ACTG2: variants seen among roughly 807,000 people sequenced by gnomAD.
The protein encoded by ACTG2 is actin gamma 2, smooth muscle.
In ACTG2, 16 loss-of-function variants were observed where a neutral mutation model predicts 37.6. That is an observed-to-expected ratio of 0.43 (90% CI 0.29 to 0.65). ACTG2 has a LOEUF of 0.65. ACTG2 is among the 30% of genes least tolerant of loss of function. The probability of loss-of-function intolerance (pLI) is 0.18; values close to 1 mark genes in which losing one functional copy is unlikely to be tolerated. For missense variants in ACTG2, 238 were observed against 490.9 expected, an observed-to-expected ratio of 0.48 and a Z score of 4.87; for synonymous variants, 181 against 179.9, an observed-to-expected ratio of 1.01 and a Z score of -0.05.
chr2:73,917,235 A>C (rs1205261503), intron 8 of ACTG2, among the ~76,000 whole-genome samples: 3 of 152,210 alleles, frequency 2.0e-5, no homozygotes, highest in Non-Finnish European at 4.4e-5. Context: ...TAAGAAGGAA[A>C]TCAGGAGATG....
chr2:73,910,129 C>T (rs1233264832), intron 5 of ACTG2, among the ~76,000 whole-genome samples: 2 of 151,770 alleles, frequency 1.3e-5, no homozygotes, highest in African/African-American at 4.8e-5. Flanking sequence ...GCAGAAGAGT[C>T]ACTTGAACCT....
intron 1 of ACTG2, among the ~76,000 whole-genome samples, chr2:73,898,776 T>A (rs1029400922): frequency 1.3e-5 from 2 of 150,730 alleles, no homozygotes; most frequent in African/African-American, 2.4e-5. Flanking sequence ...TAAACAGAGC[T>A]TTCTTTTTTC....
intron 1 of ACTG2, among the ~76,000 whole-genome samples, chr2:73,899,106 G>A (rs370830370): frequency 1.2e-4 from 18 of 151,978 alleles, no homozygotes; most frequent in East Asian, 1.2e-3. Context: ...CACCGCGCCC[G>A]GCCACAAGAA....
chr2:73,919,353 C>T, intron 8 of ACTG2, 79 bp from the exon 9 acceptor site: 1 of 1,512,914 alleles, frequency 6.6e-7, no homozygotes. Context: ...CTCCCCTTTT[C>T]TGGGATAAGT....
intron 7 of ACTG2, among the ~76,000 whole-genome samples, chr2:73,916,042 T>C (rs1680259719): frequency 6.6e-6 from 1 of 152,118 alleles, no homozygotes; most frequent in South Asian, 2.1e-4. Context: ...AGAAAGATGA[T>C]ATAACAAAAG....
chr2:73,902,029 G>GTGTGTGTGTGTC (rs1169121103), intron 2 of ACTG2, among the ~76,000 whole-genome samples: 1 of 99,098 alleles, frequency 1.0e-5, no homozygotes, highest in Non-Finnish European at 2.2e-5. Context: ...GTGTGTGTGT[G>GTGTGTGTGTGTC]TGTGTGTGTG....
chr2:73,914,766 T>C lies in ACTG2; in HGVS notation c.700T>C (p.Ser234Pro), dbSNP rs1363558842. 6.2e-7 allele frequency: 1 copy of C among 1,612,728 alleles called. No homozygotes were observed. The highest frequency in any genetic ancestry group is 1.3e-5 in the African/African-American group (1 of 74,864). Residue 234 changes from serine to proline, a missense_variant, in exon 7 of 9, where the codon TCT (serine) becomes CCT (proline). By Grantham distance (74) the Ser-to-Pro change is moderately conservative (BLOSUM62 -1). Transcript: ENST00000345517. The part of the protein sequence containing the change: ...FENEMATAAS[S>P]SSLEKSYELP... ...GAATGAGATGGCCACAGCAGCTTCCTCTTCCTCCCTGGAGAAGAGCTATGA... is the reference window on the plus strand; with the variant it reads ...GAATGAGATGGCCACAGCAGCTTCCCCTTCCTCCCTGGAGAAGAGCTATGA...
At chr2:73,912,894 G>A (rs1388690920) in intron 5 of ACTG2, among the ~76,000 whole-genome samples, 5 of 152,282 alleles carry the variant, frequency 3.3e-5, no homozygotes, top group African/African-American at 9.6e-5. Flanking sequence ...GAGGCTGGAC[G>A]CAGTGGCACA....
intron 5 of ACTG2, among the ~76,000 whole-genome samples, chr2:73,910,496 C>CTTTT (rs1207318059): frequency 2.5e-5 from 2 of 80,588 alleles, no homozygotes; most frequent in African/African-American, 4.6e-5. Context: ...CCTCCCATGA[C>CTTTT]TTTTTTTTTT....
intron 5 of ACTG2, among the ~76,000 whole-genome samples, chr2:73,909,715 T>C (rs186107563): frequency 6.6e-4 from 100 of 152,152 alleles, no homozygotes; most frequent in African/African-American, 2.2e-3. Flanking sequence ...TATTGAAACA[T>C]AGAAAAGTTA....
chr2:73,897,564 A>G (rs1373830468), intron 1 of ACTG2, among the ~76,000 whole-genome samples: 1 of 152,228 alleles, frequency 6.6e-6, no homozygotes, highest in Admixed American at 6.5e-5. Flanking sequence ...GGTATCCCAG[A>G]GGCAGAGCAC....
chr2:73,911,021 T>A (rs980445921), intron 5 of ACTG2, among the ~76,000 whole-genome samples: 1 of 152,156 alleles, frequency 6.6e-6, no homozygotes, highest in Admixed American at 6.5e-5. Flanking sequence ...CTGTATTTCA[T>A]CTCCACATCT....
intron 3 of ACTG2, among the ~76,000 whole-genome samples, chr2:73,905,322 G>C (rs1477620484): frequency 6.6e-6 from 1 of 152,062 alleles, no homozygotes; most frequent in African/African-American, 2.4e-5. Flanking sequence ...GAAAAAGAAT[G>C]ACAAATTTGA....
intron 1 of ACTG2, among the ~76,000 whole-genome samples, chr2:73,894,061 G>A (rs1022691917): frequency 1.3e-5 from 2 of 152,256 alleles, no homozygotes; most frequent in East Asian, 3.9e-4. Flanking sequence ...GAGAGAATGC[G>A]TATATACAGC....
At chr2:73,900,974 C>T (rs1165271704) in intron 1 of ACTG2, among the ~76,000 whole-genome samples, 4 of 152,204 alleles carry the variant, frequency 2.6e-5, no homozygotes, top group Non-Finnish European at 5.9e-5. Flanking sequence ...TACTGGATGA[C>T]AGCCATATTG....
chr2:73,898,743 C>T (rs1347731364), intron 1 of ACTG2, among the ~76,000 whole-genome samples: 1 of 151,766 alleles, frequency 6.6e-6, no homozygotes, highest in Non-Finnish European at 1.5e-5. Flanking sequence ...GTCAACAAGA[C>T]ACCAAGTCCT....
intron 3 of ACTG2, among the ~76,000 whole-genome samples, chr2:73,904,815 A>ATATATATATATATAT (rs70965764): frequency 5.7e-5 from 7 of 121,762 alleles, no homozygotes; most frequent in African/African-American, 9.5e-5. Context: ...ATATATATAT[A>ATATATATATATATAT]ATCTTGTGTG....
chr2:73,917,633 G>A (rs72816144), intron 8 of ACTG2, among the ~76,000 whole-genome samples: 3,680 of 152,340 alleles, frequency 0.024, 69 homozygotes, highest in Non-Finnish European at 0.041. Context: ...AATAAAGCTG[G>A]TCTCTGGGGA....
chr2:73,912,275 A>G (rs1680155678), intron 5 of ACTG2, among the ~76,000 whole-genome samples: 1 of 152,202 alleles, frequency 6.6e-6, no homozygotes, highest in South Asian at 2.1e-4. Flanking sequence ...CTCCTGCCTC[A>G]GTCTCCCGAA....
Sources: allele counts gnomAD v4.1 joint callset (sites outside exome capture counted in the v4.1 genomes callset), GRCh38; gene constraint gnomAD v4.1.1; transcripts MANE v1.5; gene names NCBI Gene and HGNC (gene_info 2026-07-23, HGNC 2026-07-21).